The following MECOM variants were observed in gnomAD, a reference collection of about 807,000 sequenced individuals.
MECOM encodes MDS1 and EVI1 complex locus, also known as histone-lysine N-methyltransferase MECOM.
Under a neutral mutation model 116.3 loss-of-function variants are expected in MECOM, and 13 were observed. The observed-to-expected ratio is 0.11, with a 90% CI of 0.07 to 0.18. The LOEUF is 0.18. MECOM is among the 10% of genes least tolerant of loss of function. The probability of loss-of-function intolerance (pLI) is 1.00; values close to 1 mark genes in which losing one functional copy is unlikely to be tolerated. For synonymous variants in MECOM, 528 were observed against 535.2 expected (o/e 0.99, Z 0.19); for missense variants, 1,299 against 1,509.0 (o/e 0.86, Z 2.31).
Position 169,090,113 on chromosome 3 carries a change from AATAT to A in MECOM, c.3284_3287del (p.Asp1095ValfsTer10). 6.2e-7 allele frequency: 1 copy of A among 1,613,658 alleles called. No individual in the cohort carries two copies. Among genetic ancestry groups the A allele is most frequent in the Non-Finnish European group, 8.5e-7 (1 of 1,179,678 alleles). On this transcript the variant is annotated frameshift_variant, in exon 15 of 17. Transcript: ENST00000651503. LOFTEE classifies it high-confidence loss of function. ...CTGGTTCCTTTCCTGTTTTTCCAGT[AATAT>A]CATTGTCTTCATCCTCCTCATCTAA...
chr3:169,633,298 C>T (rs1772311590), intron 1 of MECOM, among the ~76,000 whole-genome samples: 1 of 152,196 alleles, frequency 6.6e-6, no homozygotes, highest in African/African-American at 2.4e-5. Flanking sequence ...TAGTTAACAT[C>T]CTCTAGTCAT....
intron 2 of MECOM, among the ~76,000 whole-genome samples, chr3:169,327,376 A>G (rs895314020): frequency 6.6e-6 from 1 of 152,178 alleles, no homozygotes; most frequent in Non-Finnish European, 1.5e-5. Context: ...ACGGTGGCTC[A>G]CGCCTGTAAT....
At chr3:169,421,520 C>A (rs1030976181) in intron 1 of MECOM, among the ~76,000 whole-genome samples, 1 of 152,190 alleles carries the variant, frequency 6.6e-6, no homozygotes, top group Non-Finnish European at 1.5e-5. Context: ...TACATGGTCT[C>A]ATGTTTGCTC....
At chr3:169,104,745 C>A (rs959602784) in intron 10 of MECOM, among the ~76,000 whole-genome samples, 1 of 152,150 alleles carries the variant, frequency 6.6e-6, no homozygotes, top group Non-Finnish European at 1.5e-5. Flanking sequence ...ACATAAACCA[C>A]AAGTCCTTCA....
chr3:169,284,523 C>G (rs1195154462), intron 2 of MECOM, among the ~76,000 whole-genome samples: 3 of 151,826 alleles, frequency 2.0e-5, no homozygotes. Context: ...TCAAATAGGC[C>G]CTGAATCTCC....
intron 1 of MECOM, among the ~76,000 whole-genome samples, chr3:169,635,395 C>T (rs1199240027): frequency 1.3e-5 from 2 of 152,148 alleles, no homozygotes; most frequent in Admixed American, 6.5e-5. Flanking sequence ...AATACACACA[C>T]CCTGATGTAG....
intron 1 of MECOM, among the ~76,000 whole-genome samples, chr3:169,407,064 G>A (rs1022400382): frequency 2.0e-5 from 3 of 151,820 alleles, no homozygotes; most frequent in Admixed American, 6.6e-5. Flanking sequence ...GGCCAAGCTG[G>A]TCTTGAACTC....
chr3:169,120,687 A>G (rs970140025), intron 7 of MECOM, among the ~76,000 whole-genome samples: 6 of 152,294 alleles, frequency 3.9e-5, no homozygotes, highest in Non-Finnish European at 4.4e-5. Context: ...TAATCACTTC[A>G]TCTTGTTTAG....
intron 1 of MECOM, among the ~76,000 whole-genome samples, chr3:169,439,777 T>G (rs1743298881): frequency 2.0e-5 from 3 of 152,062 alleles, no homozygotes; most frequent in Admixed American, 2.0e-4. Context: ...ATTCCTTATA[T>G]GAAAAACTGC....
intron 10 of MECOM, among the ~76,000 whole-genome samples, chr3:169,106,283 T>C (rs1248896597): frequency 6.6e-6 from 1 of 152,158 alleles, no homozygotes; most frequent in Non-Finnish European, 1.5e-5. Flanking sequence ...GTCATGATTA[T>C]GAAATCACTT....
intron 1 of MECOM, among the ~76,000 whole-genome samples, chr3:169,491,304 A>G (rs1421323055): frequency 6.6e-6 from 1 of 152,218 alleles, no homozygotes; most frequent in Admixed American, 6.5e-5. Context: ...CCCAGGGCAA[A>G]TGTCCTAACC....
At chr3:169,459,716 A>G (rs1418541673) in intron 1 of MECOM, among the ~76,000 whole-genome samples, 1 of 152,124 alleles carries the variant, frequency 6.6e-6, no homozygotes, top group Non-Finnish European at 1.5e-5. Flanking sequence ...ACATTTGCTT[A>G]TCTTTCAACT....
chr3:169,492,864 G>A, intron 1 of MECOM, among the ~76,000 whole-genome samples: 1 of 152,140 alleles, frequency 6.6e-6, no homozygotes, highest in Non-Finnish European at 1.5e-5. Flanking sequence ...GGAGGCTGAG[G>A]CAGGAGAATT....
rs533230276 is a variant in MECOM, at chr3:169,501,601, A to G, written c.38-120077T>C. On this transcript the variant is annotated intron_variant, in intron 1 of 16. Transcript: ENST00000651503. The stretch of plus-strand genomic sequence containing the variant: ...AATTCTTATTATTGCATCTAGCTCA[A>G]CAAGCAAGTCTGCAATTAACAACAT... Among the ~76,000 whole-genome samples the G allele has an allele frequency of 3.9e-5, 6 of 152,208 alleles. No homozygotes were observed. In the East Asian group the frequency reaches 9.6e-4, roughly 24 times the overall value.
chr3:169,565,156 C>A (rs567940809), intron 1 of MECOM, among the ~76,000 whole-genome samples: 27 of 152,210 alleles, frequency 1.8e-4, no homozygotes, highest in African/African-American at 6.3e-4. Context: ...GGAGGGGTGT[C>A]CAGGGTCTGA....
chr3:169,592,980 C>T (rs376284656), intron 1 of MECOM, among the ~76,000 whole-genome samples: 10 of 152,232 alleles, frequency 6.6e-5, no homozygotes, highest in African/African-American at 2.2e-4. Context: ...ATGTATAAAA[C>T]ATGAGATACA....
intron 2 of MECOM, among the ~76,000 whole-genome samples, chr3:169,144,759 A>G (rs182440564): frequency 1.3e-5 from 2 of 152,326 alleles, no homozygotes; most frequent in African/African-American, 4.8e-5. Context: ...CTGATGGTGA[A>G]TAACTACAAA....
intron 1 of MECOM, among the ~76,000 whole-genome samples, chr3:169,454,960 T>C (rs889777213): frequency 2.6e-5 from 4 of 152,198 alleles, no homozygotes; most frequent in Non-Finnish European, 4.4e-5. Context: ...CATCTAAGAC[T>C]AAACCATTTG....
intron 1 of MECOM, among the ~76,000 whole-genome samples, chr3:169,589,556 T>C (rs1401561226): frequency 2.6e-5 from 4 of 152,086 alleles, no homozygotes; most frequent in Admixed American, 6.6e-5. Flanking sequence ...GAAAAAACAT[T>C]CTCTAATGAC....
Sources: gnomAD v4.1 joint callset for allele counts (sites outside exome capture counted in the v4.1 genomes callset) on GRCh38, gnomAD v4.1.1 for gene constraint, MANE v1.5 for transcripts, NCBI Gene and HGNC (gene_info 2026-07-23, HGNC 2026-07-21) for gene names.